Variants in IFT140 observed in about 807,000 individuals in gnomAD.
The protein encoded by IFT140 is intraflagellar transport protein 140 homolog.
A neutral mutation model predicts 164.6 loss-of-function variants in IFT140; 133 were observed. The ratio of observed to expected loss-of-function variants is 0.81; its 90% CI spans 0.70 to 0.93. IFT140 has a LOEUF of 0.93. IFT140 is among the 40% of genes least tolerant of loss of function. IFT140 has a pLI of 0.00. For synonymous variants in IFT140, 860 were observed against 817.3 expected (o/e 1.05, Z -0.89); for missense variants, 2,045 against 1,972.3 (o/e 1.04, Z -0.70).
At position 1,530,133 on chromosome 16, in the gene IFT140, C is replaced by CTTTTTTTT. The variant is rs922819138; in HGVS notation, c.2400-3345_2400-3338dup. Among the ~76,000 whole-genome samples the CTTTTTTTT allele has an allele frequency of 3.5e-4, 31 of 88,586 alleles. 4 individuals carry two copies. The highest frequency in any genetic ancestry group is 1.5e-3 in the African/African-American group (27 of 18,456). 58.1% of individuals were successfully genotyped at this position (88,586 alleles called of 152,430 possible). A position where few individuals can be genotyped will look rare whatever the true frequency, so the allele number is the denominator to read the frequency against. On this transcript the variant is annotated intron_variant, in intron 19 of 30. Coordinates refer to ENST00000426508, the MANE Select transcript of IFT140 (RefSeq NM_014714.4). Reference sequence around the variant, plus strand: ...TCCCAAAAGACTTCACGACGGGAATCTTTTTTTTTTTTTTTTTTTTTTTTG... The same window carrying CTTTTTTTT: ...TCCCAAAAGACTTCACGACGGGAATCTTTTTTTTTTTTTTTTTTTTTTTTTTTTTTTTG...
chr16:1,513,767 G>T (rs549651362), intron 30 of IFT140, among the ~76,000 whole-genome samples: 2 of 150,138 alleles, frequency 1.3e-5, no homozygotes, highest in South Asian at 4.3e-4. Context: ...TCCGCCTCCC[G>T]GGTTCACACC....
chr16:1,601,264 A>C (rs79204349), intron 4 of IFT140, among the ~76,000 whole-genome samples: 1 of 137,066 alleles, frequency 7.3e-6, no homozygotes, highest in African/African-American at 2.7e-5. Flanking sequence ...ATTCCATCAC[A>C]AAAAAAAAAA....
At chr16:1,541,334 C>G (rs1284566283) in intron 19 of IFT140, 23 of 985,206 alleles carry the variant, frequency 2.3e-5, no homozygotes, top group Non-Finnish European at 2.8e-5. Context: ...CCTGCTCAGC[C>G]CCTTGCTGGT....
At chr16:1,590,244 T>C (rs1269314593) in intron 6 of IFT140, among the ~76,000 whole-genome samples, 1 of 150,292 alleles carries the variant, frequency 6.7e-6, no homozygotes, top group African/African-American at 2.4e-5. Context: ...GCATGTGACC[T>C]GACCTTACAG....
intron 19 of IFT140, chr16:1,528,648 A>G (rs1164788955): frequency 1.3e-5 from 2 of 154,466 alleles, no homozygotes; most frequent in African/African-American, 4.8e-5. Context: ...CCACCCTCGC[A>G]TTCCAGGCTG....
At position 1,511,133 on chromosome 16, in the gene IFT140, C is replaced by A; in HGVS notation, c.4200G>T (p.Glu1400Asp). ...CCAAGGGAAGCCGCCGCCGCATCTC[C>A]TCCAGGAATCTGTAGGCCTGGGGCA... ...EEYQTAYRFL[E>D]EMRRRLPLAN... The change falls in exon 31 of 31, where the codon GAG becomes GAT. Residue 1400 changes from glutamate to aspartate, a missense_variant. By Grantham distance (45) the Glu-to-Asp change is conservative. Coordinates refer to ENST00000426508, the MANE Select transcript of IFT140 (RefSeq NM_014714.4). 1 of 1,607,900 alleles carries A rather than the reference C, an allele frequency of 6.2e-7. No homozygotes were observed. The highest frequency in any genetic ancestry group is 2.2e-5 in the East Asian group (1 of 44,694).
At chr16:1,519,139 C>T (rs1425284876) in intron 29 of IFT140, among the ~76,000 whole-genome samples, 1 of 152,244 alleles carries the variant, frequency 6.6e-6, no homozygotes, top group Non-Finnish European at 1.5e-5. Context: ...CTGTGAGACG[C>T]TGATACCCCA....
intron 13 of IFT140, among the ~76,000 whole-genome samples, chr16:1,572,917 C>G (rs73499709): frequency 0.025 from 3,740 of 152,280 alleles, 152 homozygotes; most frequent in African/African-American, 0.086. Context: ...CTGAATGCAT[C>G]CTGGGGCCAA....
intron 19 of IFT140, chr16:1,540,928 T>C (rs1254527108): frequency 2.8e-5 from 28 of 985,180 alleles, no homozygotes; most frequent in Middle Eastern, 5.2e-4. Flanking sequence ...AGCACACACA[T>C]TGTCTGCTCT....
intron 9 of IFT140, among the ~76,000 whole-genome samples, chr16:1,586,728 A>AT (rs1323986116): frequency 6.6e-6 from 1 of 152,174 alleles, no homozygotes; most frequent in Non-Finnish European, 1.5e-5. Flanking sequence ...TTCTTGTTAG[A>AT]TGGGGTCACG....
chr16:1,553,876 T>C lies in IFT140; in HGVS notation c.2399+4059A>G, dbSNP rs1367275407. On this transcript the variant is annotated intron_variant, in intron 19 of 30. Transcript: ENST00000426508. The surrounding 1 kb of genome is among the most constrained non-coding windows in gnomAD (Gnocchi z 4.4). Reference sequence around the variant, plus strand: ...TGTTATCCTAGTTGGTAGACTCTAGTCACGAAACCCTGATTTTCCTGTTGT... The same window carrying C: ...TGTTATCCTAGTTGGTAGACTCTAGCCACGAAACCCTGATTTTCCTGTTGT... The C allele has an allele frequency of 1.4e-5, 18 of 1,254,834 alleles. No individual in the cohort carries two copies. Among genetic ancestry groups the C allele is most frequent in the Non-Finnish European group, 1.8e-5 (17 of 970,998 alleles). The allele number at this position is 1,254,834 out of a possible 1,614,324, so 77.7% of individuals were successfully genotyped here. A position where few individuals can be genotyped will look rare whatever the true frequency, so the allele number is the denominator to read the frequency against.
chr16:1,581,950 G>A (rs946997914), intron 12 of IFT140, among the ~76,000 whole-genome samples: 1 of 151,526 alleles, frequency 6.6e-6, no homozygotes, highest in East Asian at 1.9e-4. Flanking sequence ...AGGGAGAGGC[G>A]GAAACTAGTG....
intron 19 of IFT140, 64 bp from the exon 20 acceptor site, chr16:1,526,860 C>G: frequency 2.7e-6 from 4 of 1,506,560 alleles, no homozygotes; most frequent in Non-Finnish European, 3.6e-6. Flanking sequence ...GGCCCTACGG[C>G]CCCTTCTCCT....
chr16:1,520,613 T>G lies in IFT140; in HGVS notation c.3649A>C (p.Asn1217His). The change falls in exon 27 of 31, where the codon AAC becomes CAC. Residue 1217 changes from asparagine (N) to histidine (H), a missense_variant. Transcript: ENST00000426508. ...CGGGAGAGGCTCACCTTCAGCTTGT[T>G]GCCGGCCTGCGTGTACTTCTTGGTG... ...LATKKYTQAG[N>H]KLKAMRALLK... The G allele has an allele frequency of 6.3e-7, 1 of 1,584,766 alleles. No homozygotes were observed.
At chr16:1,528,303 C>CCA (rs147916170) in intron 19 of IFT140, among the ~76,000 whole-genome samples, 5 of 150,496 alleles carry the variant, frequency 3.3e-5, no homozygotes, top group African/African-American at 9.8e-5. Context: ...CCCACCAAAG[C>CCA]CACACACACA....
intron 19 of IFT140, chr16:1,534,265 C>T (rs200816535): frequency 5.4e-5 from 87 of 1,608,934 alleles, no homozygotes; most frequent in Middle Eastern, 1.7e-4. Context: ...GCGGCGGCAC[C>T]GGCGTCAGCG....
intron 19 of IFT140, among the ~76,000 whole-genome samples, chr16:1,538,817 G>A (rs906763967): frequency 2.0e-5 from 3 of 152,298 alleles, no homozygotes; most frequent in African/African-American, 7.2e-5. Flanking sequence ...CAGGCTGTAC[G>A]TGGTCACTGC....
chr16:1,528,445 TCACATGCATGCACACA>T (rs2030036228), intron 19 of IFT140, among the ~76,000 whole-genome samples: 2 of 133,206 alleles, frequency 1.5e-5, no homozygotes, highest in South Asian at 2.4e-4. Context: ...ACACACACAT[TCACATGCATGCACACA>T]CACATGGATG....
chr16:1,598,476 C>T (rs1489796589), intron 4 of IFT140, among the ~76,000 whole-genome samples: 1 of 152,052 alleles, frequency 6.6e-6, no homozygotes, highest in Admixed American at 6.5e-5. Context: ...AACAGAAACA[C>T]AAATGGCTCC....
Sources: gnomAD v4.1 joint callset for allele counts (sites outside exome capture counted in the v4.1 genomes callset) on GRCh38, gnomAD v4.1.1 for gene constraint, Gnocchi (gnomAD v3.1) non-coding constraint, MANE v1.5 for transcripts, NCBI Gene and HGNC (gene_info 2026-07-23, HGNC 2026-07-21) for gene names.